Variants in ANO1 observed in about 807,000 individuals in gnomAD.
ANO1 encodes the protein anoctamin-1.
Under a neutral mutation model 124.0 loss-of-function variants are expected in ANO1, and 59 were observed. The observed-to-expected ratio is 0.48, with a 90% CI of 0.39 to 0.59. The LOEUF (loss-of-function observed/expected upper bound fraction) is 0.59, where lower values mean the gene tolerates loss of function less well. ANO1 is among the 20% of genes least tolerant of loss of function. The pLI is 0.00. For missense variants in ANO1, 1,059 were observed against 1,328.0 expected, an observed-to-expected ratio of 0.80 and a Z score of 3.15; for synonymous variants, 529 against 532.0, an observed-to-expected ratio of 0.99 and a Z score of 0.08.
Position 70,114,360 on chromosome 11 carries a change from G to C in ANO1, c.856-2098G>C, listed in dbSNP as rs146435460. 6.1e-3 allele frequency among the ~76,000 whole-genome samples: 930 copies of C among 152,356 alleles called. 2 individuals are homozygous for C. Among genetic ancestry groups the C allele is most frequent in the Middle Eastern group, 0.01 (3 of 294 alleles). ...GCCCGTGCTGCTAAGTACCAAAGCT[G>C]ATGTTTAAGCATTTGGGGAGATGAC... On this transcript the variant is annotated intron_variant, in intron 7 of 25. Transcript: ENST00000355303.
At chr11:69,999,213 A>G in intron 1 of ANO1, among the ~76,000 whole-genome samples, 1 of 152,052 alleles carries the variant, frequency 6.6e-6, no homozygotes, top group East Asian at 1.9e-4. Context: ...GAGGAAGGCG[A>G]AGGGGAAGCA....
At chr11:70,167,131 G>A in intron 20 of ANO1, 111 bp from the exon 21 acceptor site, 1 of 1,377,774 alleles carries the variant, frequency 7.3e-7, no homozygotes, top group African/African-American at 1.5e-5. Flanking sequence ...TGAGCAAAAA[G>A]AGTGAAACTC....
chr11:70,133,247 C>T (rs2046830739), intron 11 of ANO1, among the ~76,000 whole-genome samples: 1 of 152,176 alleles, frequency 6.6e-6, no homozygotes, highest in African/African-American at 2.4e-5. Context: ...CTGTGTGGCC[C>T]TTACCCGCCA....
At chr11:70,012,892 G>A (rs532636252) in intron 1 of ANO1, among the ~76,000 whole-genome samples, 6 of 152,266 alleles carry the variant, frequency 3.9e-5, no homozygotes, top group Admixed American at 3.9e-4. Flanking sequence ...AGTGAGCAGG[G>A]CGGTCCCACT....
chr11:70,050,346 C>T (rs1023743295), intron 1 of ANO1, among the ~76,000 whole-genome samples: 9 of 152,150 alleles, frequency 5.9e-5, no homozygotes, highest in South Asian at 2.1e-4. Flanking sequence ...CCAGGTCCTC[C>T]GCCCCACAGT....
chr11:70,041,143 C>T (rs368115043), intron 1 of ANO1, among the ~76,000 whole-genome samples: 9 of 152,088 alleles, frequency 5.9e-5, no homozygotes, highest in South Asian at 2.1e-4. Context: ...CAGGGGATGC[C>T]GACCTCAGCT....
intron 2 of ANO1, among the ~76,000 whole-genome samples, 185 bp downstream of exon 2, chr11:70,088,269 C>A (rs1049894590): frequency 6.6e-6 from 1 of 151,692 alleles, no homozygotes; most frequent in Non-Finnish European, 1.5e-5. Context: ...CCCAGCACTT[C>A]GGGAGGCTGA....
the ANO1 span, among the ~76,000 whole-genome samples, chr11:69,971,161 T>TG: frequency 6.6e-6 from 1 of 152,148 alleles, no homozygotes; most frequent in Admixed American, 6.5e-5. Flanking sequence ...GTCCCTGTGC[T>TG]GGGGGGGCAC....
At position 70,007,824 on chromosome 11, in the gene ANO1, T is replaced by A. The variant is rs1856522370; in HGVS notation, c.58+21658T>A. On this transcript the variant is annotated intron_variant, in intron 1 of 27. Transcript: ENST00000531349. Reference sequence around the variant, plus strand: ...CATTTTTTTAGGAACTTCCATGCTGTTTCCACTGCAGTGACATTACTTTAC... The same window carrying A: ...CATTTTTTTAGGAACTTCCATGCTGATTCCACTGCAGTGACATTACTTTAC... Among the ~76,000 whole-genome samples the A allele has an allele frequency of 2.6e-5, 4 of 152,224 alleles. No homozygotes were observed. The South Asian group carries it at 8.3e-4, about 32-fold the overall frequency.
chr11:70,019,409 G>C (rs183050351), intron 1 of ANO1, among the ~76,000 whole-genome samples: 7 of 152,242 alleles, frequency 4.6e-5, no homozygotes, highest in Non-Finnish European at 7.4e-5. Context: ...AGAAAGCAAG[G>C]AAACCGTTAC....
upstream of ANO1, among the ~76,000 whole-genome samples, chr11:69,983,215 T>C (rs1356842726): frequency 3.3e-5 from 5 of 152,036 alleles, no homozygotes; most frequent in African/African-American, 1.2e-4. Context: ...GGGGTAGGTC[T>C]GTGCCTACCC....
intron 14 of ANO1, among the ~76,000 whole-genome samples, chr11:70,155,381 C>T (rs958946206): frequency 3.3e-5 from 5 of 152,224 alleles, no homozygotes; most frequent in Admixed American, 3.3e-4. Context: ...AGAGGCACCC[C>T]CAGGCCCTGT....
intron 4 of ANO1, among the ~76,000 whole-genome samples, chr11:70,104,967 G>T (rs1285310743): frequency 6.6e-6 from 1 of 152,122 alleles, no homozygotes; most frequent in African/African-American, 2.4e-5. Context: ...TCCTAGAGCG[G>T]ACAGGACATG....
intron 25 of ANO1, 92 bp from the exon 26 acceptor site, chr11:70,187,646 G>A: frequency 1.4e-6 from 2 of 1,461,168 alleles, no homozygotes; most frequent in South Asian, 2.7e-5. Flanking sequence ...GTGGTGGGGT[G>A]GCACTCCACC....
chr11:70,154,996 C>A (rs541983043), intron 14 of ANO1, among the ~76,000 whole-genome samples: 1 of 152,334 alleles, frequency 6.6e-6, no homozygotes, highest in African/African-American at 2.4e-5. Context: ...TCTCTAAGGC[C>A]CTACAAGCAT....
intron 11 of ANO1, among the ~76,000 whole-genome samples, chr11:70,144,034 C>T (rs1383847877): frequency 1.3e-5 from 2 of 152,166 alleles, no homozygotes; most frequent in African/African-American, 4.8e-5. Context: ...CTTTCTGTCT[C>T]TCTGGATTTA....
chr11:70,166,520 A>G (rs892346949), intron 20 of ANO1, among the ~76,000 whole-genome samples: 6 of 151,784 alleles, frequency 4.0e-5, no homozygotes, highest in Non-Finnish European at 8.8e-5. Flanking sequence ...GTTACCTTGT[A>G]CCCTTCGGAA....
Position 70,078,642 on chromosome 11 carries a change from C to T in ANO1, c.36C>T (p.Ala12=). ...ACGAGAAGTACTCGACGCTCCCGGCCGAGGACCGCAGCGTCCACATCATCA... is the reference window on the plus strand; with the variant it reads ...ACGAGAAGTACTCGACGCTCCCGGCTGAGGACCGCAGCGTCCACATCATCA... ...RVNEKYSTLP[A]EDRSVHIINI... The change falls in exon 1 of 26, where the codon GCC becomes GCT. Residue 12 remains alanine, a synonymous_variant. Transcript: ENST00000355303. The T allele has an allele frequency of 6.7e-7, 1 of 1,501,850 alleles. No individual in the cohort carries two copies. Among genetic ancestry groups the T allele is most frequent in the Non-Finnish European group, 9.0e-7 (1 of 1,115,708 alleles). The allele number at this position is 1,501,850 out of a possible 1,614,324, so 93.0% of individuals were successfully genotyped here.
intron 1 of ANO1, among the ~76,000 whole-genome samples, chr11:70,017,203 G>C (rs1555002074): frequency 3.9e-5 from 6 of 152,222 alleles, no homozygotes; most frequent in African/African-American, 1.4e-4. Flanking sequence ...ACAAAGGCCA[G>C]ACGCCCTAAT....
Sources: allele counts gnomAD v4.1 joint callset (sites outside exome capture counted in the v4.1 genomes callset), GRCh38; gene constraint gnomAD v4.1.1; transcripts MANE v1.5; gene names NCBI Gene and HGNC (gene_info 2026-07-23, HGNC 2026-07-21).